PXDNL: variants seen among roughly 807,000 people sequenced by gnomAD.
The protein encoded by PXDNL is peroxidasin like.
PXDNL carries 145 observed loss-of-function variants against 150.8 expected under a neutral mutation model. That is an observed-to-expected ratio of 0.96 (90% CI 0.84 to 1.10). The LOEUF (loss-of-function observed/expected upper bound fraction) is 1.10, where lower values mean the gene tolerates loss of function less well. PXDNL is among the 50% of genes least tolerant of loss of function. PXDNL has a pLI of 0.00. For synonymous variants in PXDNL, 757 were observed against 725.7 expected (o/e 1.04, Z -0.69); for missense variants, 2,087 against 1,873.9 (o/e 1.11, Z -2.10).
chr8:51,717,729 G>A (rs1248333252), intron 1 of PXDNL, among the ~76,000 whole-genome samples: 3 of 152,248 alleles, frequency 2.0e-5, no homozygotes, highest in African/African-American at 7.2e-5. Flanking sequence ...GTGGGGCCAG[G>A]ATAGGCCTCA....
intron 19 of PXDNL, among the ~76,000 whole-genome samples, chr8:51,370,665 G>A (rs1807075469): frequency 1.3e-5 from 2 of 152,080 alleles, no homozygotes; most frequent in Non-Finnish European, 2.9e-5. Context: ...GGCACAATCT[G>A]GGCTCACTGC....
At chr8:51,339,503 T>C (rs1237664554) in intron 21 of PXDNL, 121 bp downstream of exon 21, 3 of 1,006,208 alleles carry the variant, frequency 3.0e-6, no homozygotes, top group Non-Finnish European at 4.3e-6. Flanking sequence ...TACAACTCCC[T>C]GTATAGGTTT....
intron 3 of PXDNL, among the ~76,000 whole-genome samples, chr8:51,571,123 A>G (rs2130592829): frequency 6.6e-6 from 1 of 151,880 alleles, no homozygotes; most frequent in African/African-American, 2.4e-5. Flanking sequence ...AGATAAGCCA[A>G]TGACAGTAAA....
intron 2 of PXDNL, among the ~76,000 whole-genome samples, chr8:51,615,343 T>C (rs1273641514): frequency 6.6e-6 from 1 of 152,090 alleles, no homozygotes; most frequent in African/African-American, 2.4e-5. Context: ...TTATATGAAA[T>C]AGAAAATAGA....
At position 51,635,825 on chromosome 8, in the gene PXDNL, G is replaced by A. The variant is rs556577710; in HGVS notation, c.236+18864C>T. On this transcript the variant is annotated intron_variant, in intron 2 of 22. Transcript: ENST00000356297. The stretch of plus-strand genomic sequence containing the variant: ...CTCAAAATTTTCCAAAAAAATAGAA[G>A]AGGAAAGAACGCTTCTTAACTCACT... Among the ~76,000 whole-genome samples the A allele has an allele frequency of 1.0e-3, 159 of 152,042 alleles. 1 individual carries two copies. Among genetic ancestry groups the A allele is most frequent in the African/African-American group, 3.6e-3 (151 of 41,516 alleles).
chr8:51,411,695 G>C (rs1343891782), intron 15 of PXDNL, among the ~76,000 whole-genome samples: 4 of 152,066 alleles, frequency 2.6e-5, no homozygotes, highest in Admixed American at 2.0e-4. Context: ...TTCTAAACTG[G>C]GGGGGTCGGT....
At chr8:51,378,946 T>G (rs886890214) in intron 17 of PXDNL, among the ~76,000 whole-genome samples, 1 of 152,194 alleles carries the variant, frequency 6.6e-6, no homozygotes, top group Non-Finnish European at 1.5e-5. Context: ...TTGAAGTCAG[T>G]GAGACCAAGA....
intron 2 of PXDNL, among the ~76,000 whole-genome samples, chr8:51,628,992 G>T (rs1814429167): frequency 6.6e-6 from 1 of 152,046 alleles, no homozygotes; most frequent in South Asian, 2.1e-4. Context: ...AAAGAAGCAA[G>T]AAAGTTTGTC....
chr8:51,799,680 C>T (rs1357024388), intron 1 of PXDNL, among the ~76,000 whole-genome samples: 2 of 152,156 alleles, frequency 1.3e-5, no homozygotes, highest in Non-Finnish European at 2.9e-5. Flanking sequence ...TAGACCATGG[C>T]AAAATCAGCC....
chr8:51,801,477 A>G (rs1239209998), intron 1 of PXDNL, among the ~76,000 whole-genome samples: 1 of 152,108 alleles, frequency 6.6e-6, no homozygotes. Flanking sequence ...CCCCTTTTAA[A>G]GTCCTTAATA....
At chr8:51,581,964 A>T (rs187882392) in intron 3 of PXDNL, among the ~76,000 whole-genome samples, 1 of 151,696 alleles carries the variant, frequency 6.6e-6, no homozygotes, top group East Asian at 1.9e-4. Flanking sequence ...ATTTAATTAC[A>T]TGGAACACAT....
At chr8:51,713,970 C>A (rs1014938112) in intron 1 of PXDNL, among the ~76,000 whole-genome samples, 31 of 152,156 alleles carry the variant, frequency 2.0e-4, no homozygotes, top group Non-Finnish European at 4.0e-4. Context: ...TAAATAAAAC[C>A]ATGAATTGTT....
intron 1 of PXDNL, among the ~76,000 whole-genome samples, chr8:51,665,845 C>T (rs1482117540): frequency 6.6e-6 from 1 of 152,210 alleles, no homozygotes; most frequent in East Asian, 1.9e-4. Flanking sequence ...GATCTCCATA[C>T]ACCAACCATT....
At chr8:51,411,557 T>C in intron 15 of PXDNL, 150 bp from the exon 16 acceptor site, 1 of 654,684 alleles carries the variant, frequency 1.5e-6, no homozygotes, top group Non-Finnish European at 2.3e-6. Context: ...AGAGGAGCTG[T>C]GGGTTCTTTT....
chr8:51,713,886 C>CA (rs1208318525), intron 1 of PXDNL, among the ~76,000 whole-genome samples: 1 of 151,926 alleles, frequency 6.6e-6, no homozygotes, highest in Non-Finnish European at 1.5e-5. Flanking sequence ...AGTGATCTAC[C>CA]AAAAAAACCC....
At chr8:51,441,703 G>A (rs938396477) in intron 12 of PXDNL, among the ~76,000 whole-genome samples, 1 of 152,138 alleles carries the variant, frequency 6.6e-6, no homozygotes, top group African/African-American at 2.4e-5. Flanking sequence ...CACTGTGATG[G>A]TTAGTGGTAT....
chr8:51,764,035 GT>G (rs1374085941), intron 1 of PXDNL, among the ~76,000 whole-genome samples: 2 of 152,094 alleles, frequency 1.3e-5, no homozygotes, highest in African/African-American at 4.8e-5. Context: ...TCTTAAGTCT[GT>G]TTTGGTAGTT....
chr8:51,339,720 A>G lies in PXDNL; in HGVS notation c.4050T>C (p.Ala1350=). The part of the protein sequence containing the change: ...QQDKIYVGED[A]RNVTVLAKTK... The stretch of plus-strand genomic sequence containing the variant: ...TTTTTGCCAGAACTGTCACATTTCT[A>G]GCATCTTCACCCACATATATTTTAT... Residue 1350 remains alanine, a synonymous_variant, in exon 21 of 23, where the codon GCT becomes GCC. Transcript: ENST00000356297. 1 of 1,613,406 alleles carries G rather than the reference A, an allele frequency of 6.2e-7. No homozygotes were observed. Among genetic ancestry groups the G allele is most frequent in the South Asian group, 1.1e-5 (1 of 90,920 alleles).
At chr8:51,684,054 T>C (rs968536123) in intron 1 of PXDNL, among the ~76,000 whole-genome samples, 2 of 152,180 alleles carry the variant, frequency 1.3e-5, no homozygotes, top group African/African-American at 2.4e-5. Context: ...ATCACTACAA[T>C]ATGACACCAA....
Sources: gnomAD v4.1 joint callset for allele counts (sites outside exome capture counted in the v4.1 genomes callset) on GRCh38, gnomAD v4.1.1 for gene constraint, MANE v1.5 for transcripts, NCBI Gene and HGNC (gene_info 2026-07-23, HGNC 2026-07-21) for gene names.